The following SENP6 variants were observed in gnomAD, a reference collection of about 807,000 sequenced individuals.
The protein encoded by SENP6 is SUMO specific peptidase 6.
A neutral mutation model predicts 134.5 loss-of-function variants in SENP6; 41 were observed. That is an observed-to-expected ratio of 0.30 (90% CI 0.24 to 0.40). The LOEUF is 0.40. SENP6 is among the 10% of genes least tolerant of loss of function. The probability of loss-of-function intolerance (pLI) is 1.00; values close to 1 mark genes in which losing one functional copy is unlikely to be tolerated. For synonymous variants in SENP6, 395 were observed against 429.8 expected (o/e 0.92, Z 1.00); for missense variants, 1,248 against 1,312.5 (o/e 0.95, Z 0.76).
At chr6:75,653,901 C>T (rs1771109530) in intron 7 of SENP6, among the ~76,000 whole-genome samples, 1 of 152,014 alleles carries the variant, frequency 6.6e-6, no homozygotes, top group Non-Finnish European at 1.5e-5. Context: ...GGTCACTGCC[C>T]TTTTCTGGAG....
chr6:75,620,686 C>T (rs771177622), intron 1 of SENP6: 1 of 152,234 alleles, frequency 6.6e-6, no homozygotes, highest in Non-Finnish European at 1.5e-5. Flanking sequence ...TTTAGTTCAA[C>T]TCAGAAAGCC....
intron 5 of SENP6, among the ~76,000 whole-genome samples, chr6:75,639,298 A>G (rs532292973): frequency 6.6e-6 from 1 of 152,230 alleles, no homozygotes; most frequent in South Asian, 2.1e-4. Context: ...TCTGTCATTT[A>G]TCTAACCTAT....
intron 6 of SENP6, 124 bp from the exon 7 acceptor site, chr6:75,647,607 C>A: frequency 2.0e-6 from 1 of 507,014 alleles, no homozygotes; most frequent in Non-Finnish European, 3.5e-6. Context: ...TATAGTATCA[C>A]TTTTTATATG....
intron 7 of SENP6, among the ~76,000 whole-genome samples, chr6:75,656,813 ACC>A (rs747193912): frequency 6.6e-6 from 1 of 152,080 alleles, no homozygotes; most frequent in Non-Finnish European, 1.5e-5. Flanking sequence ...CTTATAAATA[ACC>A]TTGATTTAGG....
chr6:75,624,567 T>A (rs1281778593), intron 3 of SENP6, among the ~76,000 whole-genome samples: 1 of 152,172 alleles, frequency 6.6e-6, no homozygotes, highest in East Asian at 1.9e-4. Context: ...CAACCTTTGA[T>A]CTTTGCAAAT....
chr6:75,675,387 G>C (rs1462882947), intron 11 of SENP6, 48 bp from the exon 12 acceptor site: 1 of 1,075,210 alleles, frequency 9.3e-7, no homozygotes, highest in Admixed American at 2.5e-5. Context: ...AGTGAAGCCT[G>C]CCTTTCTTTG....
chr6:75,688,779 C>T (rs1774026105), intron 16 of SENP6, among the ~76,000 whole-genome samples: 1 of 152,068 alleles, frequency 6.6e-6, no homozygotes, highest in Non-Finnish European at 1.5e-5. Flanking sequence ...TTTTAATTAG[C>T]TGGGCAAGCC....
chr6:75,663,851 G>A (rs775060), intron 9 of SENP6, among the ~76,000 whole-genome samples: 116,874 of 144,434 alleles, frequency 0.81, 47,670 homozygotes, highest in Non-Finnish European at 0.87. Context: ...ATAACATAAA[G>A]TATGCATAGC....
At chr6:75,681,849 C>G (rs1004584262) in intron 16 of SENP6, among the ~76,000 whole-genome samples, 1 of 151,762 alleles carries the variant, frequency 6.6e-6, no homozygotes, top group African/African-American at 2.4e-5. Flanking sequence ...GGCAACATAG[C>G]AAAATCCTCA....
At chr6:75,666,130 C>T (rs1393855262) in intron 9 of SENP6, among the ~76,000 whole-genome samples, 7 of 130,430 alleles carry the variant, frequency 5.4e-5, no homozygotes, top group South Asian at 2.4e-4. Flanking sequence ...ATATATAAAA[C>T]GTATATATGA....
At chr6:75,708,377 T>C (rs1775543581) in intron 19 of SENP6, among the ~76,000 whole-genome samples, 1 of 152,218 alleles carries the variant, frequency 6.6e-6, no homozygotes, top group Admixed American at 6.5e-5. Flanking sequence ...ATTTATTTTA[T>C]CCTGTCTACA....
At chr6:75,695,102 C>T (rs572595712) in intron 16 of SENP6, among the ~76,000 whole-genome samples, 32 of 152,034 alleles carry the variant, frequency 2.1e-4, no homozygotes, top group African/African-American at 7.7e-4. Context: ...TCTTGAGCTC[C>T]CAACCTCAGG....
chr6:75,629,689 A>C (rs1188352749), intron 3 of SENP6, among the ~76,000 whole-genome samples: 1 of 152,196 alleles, frequency 6.6e-6, no homozygotes, highest in East Asian at 1.9e-4. Context: ...AGGGATATAT[A>C]CATATATCTA....
chr6:75,624,021 A>G, intron 3 of SENP6, 61 bp downstream of exon 3: 1 of 1,330,570 alleles, frequency 7.5e-7, no homozygotes, highest in Admixed American at 2.0e-5. Context: ...TGTTACCTCA[A>G]AAGATTTAAT....
intron 9 of SENP6, among the ~76,000 whole-genome samples, chr6:75,665,053 G>A (rs1269360429): frequency 6.6e-6 from 1 of 152,212 alleles, no homozygotes; most frequent in Non-Finnish European, 1.5e-5. Flanking sequence ...TTGGGAGGCT[G>A]AGGCGGGCGG....
At chr6:75,676,536 G>T in intron 13 of SENP6, 1 of 156,024 alleles carries the variant, frequency 6.4e-6, no homozygotes, top group Non-Finnish European at 1.4e-5. Context: ...TGACTGCTTA[G>T]AAGATATACA....
At chr6:75,677,661 G>C (rs1433082174) in intron 14 of SENP6, 1 of 156,242 alleles carries the variant, frequency 6.4e-6, no homozygotes, top group African/African-American at 2.4e-5. Flanking sequence ...AGGCATATAT[G>C]GTTGAAAACT....
Position 75,602,353 on chromosome 6 carries a change from G to C in SENP6, c.-172G>C, listed in dbSNP as rs1766686386. ...CCGCGGACAGGCCCGGGCGCGCCTG[G>C]CCTGCCTTTGTATAGGCCCGTCTGA... On this transcript the variant is annotated 5_prime_UTR_variant, in exon 1 of 24. Transcript: ENST00000447266. The C allele has an allele frequency of 6.1e-6, 4 of 656,720 alleles. No homozygotes were observed. In the South Asian group the frequency reaches 6.4e-5, roughly 11 times the overall value. The allele number at this position is 656,720 out of a possible 1,614,324, so 40.7% of individuals were successfully genotyped here.
chr6:75,686,505 A>G (rs1010554317), intron 16 of SENP6, among the ~76,000 whole-genome samples: 19 of 152,250 alleles, frequency 1.2e-4, no homozygotes, highest in South Asian at 8.3e-4. Context: ...GGTCTTTACA[A>G]TTTGGCCTGT....
Sources: gnomAD v4.1 joint callset for allele counts (sites outside exome capture counted in the v4.1 genomes callset) on GRCh38, gnomAD v4.1.1 for gene constraint, MANE v1.5 for transcripts, NCBI Gene and HGNC (gene_info 2026-07-23, HGNC 2026-07-21) for gene names.